Variants in PATJ observed in about 807,000 individuals in gnomAD.
PATJ encodes PATJ crumbs cell polarity complex component.
PATJ carries 190 observed loss-of-function variants against 224.9 expected under a neutral mutation model. That is an observed-to-expected ratio of 0.84 (90% CI 0.75 to 0.95). The LOEUF is 0.95. Among genes scored for constraint, PATJ ranks in the 40% least tolerant of loss-of-function variants. PATJ has a pLI of 0.00. For synonymous variants in PATJ, 769 were observed against 820.3 expected, an observed-to-expected ratio of 0.94 and a Z score of 1.07; for missense variants, 2,121 against 2,270.3, an observed-to-expected ratio of 0.93 and a Z score of 1.34.
chr1:62,092,932 G>A (rs137999692), intron 33 of PATJ, among the ~76,000 whole-genome samples: 3,802 of 151,762 alleles, frequency 0.025, 103 homozygotes, highest in South Asian at 0.14. Flanking sequence ...TAGTAGAGAT[G>A]GAGTTTCACC....
At chr1:61,898,851 A>G (rs775196313) in intron 22 of PATJ, among the ~76,000 whole-genome samples, 1 of 152,212 alleles carries the variant, frequency 6.6e-6, no homozygotes, top group Non-Finnish European at 1.5e-5. Context: ...CAGTGGCACA[A>G]ACATGACTCA....
intron 28 of PATJ, among the ~76,000 whole-genome samples, chr1:61,996,741 C>CTTTTCT (rs1355853671): frequency 3.1e-5 from 3 of 97,736 alleles, no homozygotes; most frequent in African/African-American, 1.2e-4. Flanking sequence ...CTTTTCTTTT[C>CTTTTCT]TTTTTTTTTT....
chr1:62,092,642 C>T (rs1660901801), intron 33 of PATJ, among the ~76,000 whole-genome samples: 1 of 151,948 alleles, frequency 6.6e-6, no homozygotes, highest in East Asian at 1.9e-4. Flanking sequence ...TCTTGAACTC[C>T]TGACCTCAGG....
chr1:61,751,704 T>A (rs1645339482), intron 1 of PATJ, among the ~76,000 whole-genome samples: 1 of 151,916 alleles, frequency 6.6e-6, no homozygotes, highest in Non-Finnish European at 1.5e-5. Context: ...TGCATACCTG[T>A]AGTCTCAGCT....
chr1:61,826,275 C>G (rs1234585969), intron 15 of PATJ, among the ~76,000 whole-genome samples: 1 of 150,612 alleles, frequency 6.6e-6, no homozygotes, highest in Non-Finnish European at 1.5e-5. Flanking sequence ...TTCCAGCAAC[C>G]CAGTGTCCTC....
rs559649228 is a variant in PATJ, at chr1:61,884,525, T to C, written c.3131+117T>C. On this transcript the variant is annotated intron_variant, in intron 22 of 43. Coordinates refer to ENST00000642238, the MANE Select transcript of PATJ (RefSeq NM_001350145.3). ...AACGTTTGGAAAATACAGAAAAATA[T>C]TATGAATAAAATCCACTATATTTGA... 112 of 720,832 alleles carry C rather than the reference T, an allele frequency of 1.6e-4. No homozygotes were observed. The East Asian group carries it at 3.1e-3, about 20-fold the overall frequency. The allele number at this position is 720,832 out of a possible 1,614,324, so 44.7% of individuals were successfully genotyped here.
chr1:61,908,036 A>G (rs771250804), intron 24 of PATJ, among the ~76,000 whole-genome samples: 2 of 152,112 alleles, frequency 1.3e-5, no homozygotes, highest in Non-Finnish European at 1.5e-5. Flanking sequence ...CCCTTATCCC[A>G]CTCAGAATTA....
intron 41 of PATJ, among the ~76,000 whole-genome samples, chr1:62,129,717 G>A (rs563347879): frequency 6.6e-6 from 1 of 152,200 alleles, no homozygotes; most frequent in African/African-American, 2.4e-5. Context: ...GAGGTGGGCG[G>A]ATCACCTGAG....
At chr1:61,813,358 TATATATATATATATATATATACACACAC>T (rs1293734335) in intron 14 of PATJ, among the ~76,000 whole-genome samples, 3,526 of 52,994 alleles carry the variant, frequency 0.067, 211 homozygotes, top group African/African-American at 0.17. Context: ...TATATATATA[TATATATATATATATATATATACACACAC>T]ACACACACAC....
intron 27 of PATJ, among the ~76,000 whole-genome samples, chr1:61,967,341 A>T (rs762245350): frequency 6.6e-5 from 10 of 152,198 alleles, no homozygotes; most frequent in Non-Finnish European, 1.3e-4. Flanking sequence ...TTGATAGTTA[A>T]ACTATAGTTT....
At chr1:62,150,861 G>A in intron 42 of PATJ, among the ~76,000 whole-genome samples, 1 of 152,022 alleles carries the variant, frequency 6.6e-6, no homozygotes, top group East Asian at 1.9e-4. Context: ...CAGTTAACAA[G>A]GCCGGGCGTG....
At chr1:61,961,125 C>T (rs578034521) in intron 27 of PATJ, among the ~76,000 whole-genome samples, 4 of 152,294 alleles carry the variant, frequency 2.6e-5, no homozygotes, top group Admixed American at 6.5e-5. Flanking sequence ...GAAAGCTACA[C>T]GCTCTGGAAC....
At chr1:61,993,748 A>T (rs185811032) in intron 28 of PATJ, among the ~76,000 whole-genome samples, 17 of 152,298 alleles carry the variant, frequency 1.1e-4, no homozygotes, top group African/African-American at 4.1e-4. Context: ...GAGAACAAAT[A>T]TGTATTTCTG....
At chr1:61,972,619 ACT>A (rs768354859) in intron 27 of PATJ, among the ~76,000 whole-genome samples, 3 of 152,028 alleles carry the variant, frequency 2.0e-5, no homozygotes, top group Admixed American at 6.6e-5. Context: ...ACTTTAAGAC[ACT>A]CTCTATAAGA....
rs1669787255 is a variant in PATJ, at chr1:62,160,980, G to A, written c.5575G>A (p.Gly1859Ser). 2 of 1,613,038 alleles carry A rather than the reference G, an allele frequency of 1.2e-6. No individual in the cohort carries two copies. The highest frequency in any genetic ancestry group is 1.7e-6 in the Non-Finnish European group (2 of 1,179,708). Residue 1859 changes from glycine (G) to serine (S), a missense_variant, in exon 44 of 44, where the codon GGT becomes AGT. Physicochemically the swap from Gly to Ser is moderately conservative, Grantham distance 56. Transcript: ENST00000642238. The part of the protein sequence containing the change: ...ILAVNGETLE[G>S]VTHEQAVAIL... ...AGCTGTTAATGGCGAGACCCTGGAA[G>A]GTGTTACTCATGAGCAAGCAGTCGC... is the stretch of plus-strand genomic sequence containing the variant.
chr1:62,161,920 T>G lies in PATJ; in HGVS notation c.*866T>G, dbSNP rs1669868994. On this transcript the variant is annotated 3_prime_UTR_variant, in exon 44 of 44. Transcript: ENST00000642238. The stretch of plus-strand genomic sequence containing the variant: ...AATACCAGATTCTCCTATGGGAAAT[T>G]ACTGTGCTGTCTTCTGTATGACTTA... The G allele has an allele frequency of 6.6e-6, 1 of 152,254 alleles. No individual in the cohort carries two copies. The highest frequency in any genetic ancestry group is 6.5e-5 in the Admixed American group (1 of 15,282). 9.4% of individuals were successfully genotyped at this position (152,254 alleles called of 1,614,324 possible).
At chr1:61,779,497 A>G (rs1647126537) in intron 7 of PATJ, among the ~76,000 whole-genome samples, 1 of 152,228 alleles carries the variant, frequency 6.6e-6, no homozygotes, top group African/African-American at 2.4e-5. Context: ...CTGTTTGTAT[A>G]TGCTAATCAC....
At chr1:61,811,678 A>G (rs1454925752) in intron 14 of PATJ, among the ~76,000 whole-genome samples, 3 of 148,898 alleles carry the variant, frequency 2.0e-5, no homozygotes, top group Non-Finnish European at 4.4e-5. Flanking sequence ...CCATCTATTA[A>G]GTGCTTAATT....
At chr1:61,989,320 A>G (rs891543263) in intron 27 of PATJ, among the ~76,000 whole-genome samples, 3 of 152,232 alleles carry the variant, frequency 2.0e-5, no homozygotes, top group Non-Finnish European at 4.4e-5. Context: ...AACAATTTAC[A>G]GATGAAAAAG....
Sources: gnomAD v4.1 joint callset for allele counts (sites outside exome capture counted in the v4.1 genomes callset) on GRCh38, gnomAD v4.1.1 for gene constraint, MANE v1.5 for transcripts, NCBI Gene and HGNC (gene_info 2026-07-23, HGNC 2026-07-21) for gene names.